Variants in TMEM63C observed in about 807,000 individuals in gnomAD.
The protein encoded by TMEM63C is osmosensitive cation channel TMEM63C.
A neutral mutation model predicts 99.2 loss-of-function variants in TMEM63C; 32 were observed. The observed-to-expected ratio is 0.32, with a 90% CI of 0.24 to 0.43. The LOEUF (loss-of-function observed/expected upper bound fraction) is 0.43. Among genes scored for constraint, TMEM63C ranks in the 20% least tolerant of loss-of-function variants. The pLI, the probability that TMEM63C is intolerant of heterozygous loss-of-function variation, is 1.00. For synonymous variants in TMEM63C, 376 were observed against 397.9 expected (o/e 0.94, Z 0.66); for missense variants, 826 against 1,053.0 (o/e 0.78, Z 2.98).
intron 5 of TMEM63C, among the ~76,000 whole-genome samples, chr14:77,224,216 C>T (rs916089513): frequency 2.0e-5 from 3 of 151,966 alleles, no homozygotes; most frequent in African/African-American, 7.2e-5. Flanking sequence ...ACTTCTATTT[C>T]TTTTGTGCCT....
At position 77,242,446 on chromosome 14, in the gene TMEM63C, CCCACA is replaced by C; in HGVS notation, c.1167_1171del (p.His390GlnfsTer131). On this transcript the variant is annotated frameshift_variant, in exon 14 of 24. Coordinates refer to ENST00000298351, the MANE Select transcript of TMEM63C (RefSeq NM_020431.4). LOFTEE classifies it high-confidence loss of function. ...CATATTACTGGAGGGTCACTATGGC[CCCACA>C]CCCCAAAGACATTATTTGGTAAGCC... The C allele has an allele frequency of 6.2e-7, 1 of 1,613,922 alleles. No homozygotes were observed. Among genetic ancestry groups the C allele is most frequent in the Non-Finnish European group, 8.5e-7 (1 of 1,179,848 alleles).
Position 77,244,467 on chromosome 14 carries a change from GCCT to G in TMEM63C, c.1448+17_1448+19del. The G allele has an allele frequency of 6.2e-7, 1 of 1,605,266 alleles. No individual in the cohort carries two copies. Among genetic ancestry groups the G allele is most frequent in the Non-Finnish European group, 8.5e-7 (1 of 1,172,368 alleles). On this transcript the variant is annotated intron_variant, in intron 16 of 23. Coordinates refer to ENST00000298351, the MANE Select transcript of TMEM63C (RefSeq NM_020431.4). Reference sequence around the variant, plus strand: ...GCCCACTGGACCAGGTGACCTGGGGGCCTCCTCTCGTAGCCCTGTGGTTTCTCC... The same window carrying G: ...GCCCACTGGACCAGGTGACCTGGGGGCCTCTCGTAGCCCTGTGGTTTCTCC...
chr14:77,251,946 G>A (rs765302452), intron 22 of TMEM63C, 48 bp downstream of exon 22: 1 of 1,443,622 alleles, frequency 6.9e-7, no homozygotes, highest in South Asian at 1.1e-5. Context: ...GTCCCTGGGG[G>A]ACACAGCTGT....
chr14:77,221,824 T>C (rs1265502805), intron 5 of TMEM63C, among the ~76,000 whole-genome samples: 4 of 151,382 alleles, frequency 2.6e-5, no homozygotes, highest in Non-Finnish European at 5.9e-5. Flanking sequence ...TTGCCTGCGT[T>C]CTCTGAAACG....
At position 77,242,387 on chromosome 14, in the gene TMEM63C, C is replaced by A. The variant is rs767892007; in HGVS notation, c.1105C>A (p.Pro369Thr). 1.2e-6 allele frequency: 2 copies of A among 1,613,346 alleles called. No homozygotes were observed. Among genetic ancestry groups the A allele is most frequent in the South Asian group, 2.2e-5 (2 of 91,062 alleles). ...DYKYVQCGVQ[P>T]QQSSVTTIVK... ...CAAGTATGTCCAGTGTGGTGTGCAACCCCAGCAGTCCTCAGTGACCACCAT... is the reference window on the plus strand; with the variant it reads ...CAAGTATGTCCAGTGTGGTGTGCAAACCCAGCAGTCCTCAGTGACCACCAT... The change falls in exon 14 of 24, where the codon CCC becomes ACC. Residue 369 changes from proline to threonine, a missense_variant. Pro to Thr is a conservative substitution (Grantham distance 38, BLOSUM62 -1). Coordinates refer to ENST00000298351, the MANE Select transcript of TMEM63C (RefSeq NM_020431.4).
intron 5 of TMEM63C, among the ~76,000 whole-genome samples, chr14:77,223,726 C>T (rs1888767895): frequency 6.6e-6 from 1 of 152,180 alleles, no homozygotes; most frequent in Non-Finnish European, 1.5e-5. Flanking sequence ...CACGCTTCTA[C>T]TCATGACCTC....
At chr14:77,238,966 C>T (rs1423133175) in intron 10 of TMEM63C, among the ~76,000 whole-genome samples, 199 bp downstream of exon 10, 1 of 152,194 alleles carries the variant, frequency 6.6e-6, no homozygotes, top group African/African-American at 2.4e-5. Flanking sequence ...AAGTCAGGGA[C>T]TTCCTGCATG....
intron 9 of TMEM63C, 38 bp from the exon 10 acceptor site, chr14:77,238,656 C>G (rs1362808340): frequency 6.5e-7 from 1 of 1,543,204 alleles, no homozygotes; most frequent in Non-Finnish European, 9.0e-7. Flanking sequence ...CCTATGCAAG[C>G]ACAGTCTTCT....
chr14:77,225,531 AG>A, intron 6 of TMEM63C, 70 bp downstream of exon 6: 1 of 1,544,092 alleles, frequency 6.5e-7, no homozygotes, highest in Non-Finnish European at 8.9e-7. Context: ...CTCCTGGAAA[AG>A]TTAGCAGCCC....
intron 2 of TMEM63C, among the ~76,000 whole-genome samples, chr14:77,214,416 C>T (rs1170313612): frequency 6.6e-6 from 1 of 152,046 alleles, no homozygotes; most frequent in African/African-American, 2.4e-5. Context: ...GTCTCCTCAC[C>T]CTCCGACTGG....
At chr14:77,218,551 G>A (rs1387297921) in intron 2 of TMEM63C, among the ~76,000 whole-genome samples, 3 of 152,310 alleles carry the variant, frequency 2.0e-5, no homozygotes, top group African/African-American at 4.8e-5. Context: ...GGGATCCAGT[G>A]GTACAAAATA....
At chr14:77,214,099 C>A (rs1888539179) in intron 2 of TMEM63C, among the ~76,000 whole-genome samples, 1 of 152,124 alleles carries the variant, frequency 6.6e-6, no homozygotes, top group Admixed American at 6.5e-5. Context: ...TCTCAGCCCT[C>A]CCCAACTCCT....
At chr14:77,243,578 G>A (rs1453374482) in intron 15 of TMEM63C, among the ~76,000 whole-genome samples, 1 of 152,130 alleles carries the variant, frequency 6.6e-6, no homozygotes, top group Non-Finnish European at 1.5e-5. Context: ...TGCACTCCAG[G>A]CTGGGAGCCC....
In TMEM63C at chr14:77,213,526, G is replaced by C. The variant is rs1018381291; in HGVS notation, c.-14+18G>C. ...TGACTCAGGTGGGAAAAGTCTCCCC[G>C]GGCCTCTCCACCTGCAGGATCGCCT... On this transcript the variant is annotated intron_variant, in intron 2 of 23. Transcript: ENST00000298351. 3.9e-5 allele frequency: 6 copies of C among 152,274 alleles called. No individual in the cohort carries two copies. The highest frequency in any genetic ancestry group is 3.9e-4 in the East Asian group (2 of 5,170). 9.4% of individuals were successfully genotyped at this position (152,274 alleles called of 1,614,324 possible). A position where few individuals can be genotyped will look rare whatever the true frequency, so the allele number is the denominator to read the frequency against.
chr14:77,205,427 G>A (rs939806138), intron 1 of TMEM63C, among the ~76,000 whole-genome samples: 6 of 152,192 alleles, frequency 3.9e-5, no homozygotes, highest in Non-Finnish European at 8.8e-5. Context: ...TTGAGGAGGG[G>A]AGGAACACAT....
At chr14:77,196,266 G>T (rs541150697) in intron 1 of TMEM63C, 1 of 152,648 alleles carries the variant, frequency 6.6e-6, no homozygotes, top group African/African-American at 2.4e-5. Flanking sequence ...ACCCATCAGG[G>T]CTAAGCCCTA....
chr14:77,186,064 T>G (rs1887988805), intron 1 of TMEM63C, among the ~76,000 whole-genome samples: 1 of 151,720 alleles, frequency 6.6e-6, no homozygotes. Context: ...CACTCTGGAG[T>G]GCAGTGGCAC....
At chr14:77,247,633 A>T (rs1889288269) in intron 18 of TMEM63C, among the ~76,000 whole-genome samples, 1 of 152,250 alleles carries the variant, frequency 6.6e-6, no homozygotes, top group African/African-American at 2.4e-5. Context: ...CAACATGCAG[A>T]CCACGTGGGA....
At chr14:77,225,313 C>A in intron 5 of TMEM63C, 111 bp from the exon 6 acceptor site, 1 of 862,744 alleles carries the variant, frequency 1.2e-6, no homozygotes, top group South Asian at 1.9e-5. Context: ...AGGAAGGAGG[C>A]CCCGGACGCT....
Sources: allele counts gnomAD v4.1 joint callset (sites outside exome capture counted in the v4.1 genomes callset), GRCh38; gene constraint gnomAD v4.1.1; transcripts MANE v1.5; gene names NCBI Gene and HGNC (gene_info 2026-07-23, HGNC 2026-07-21).